MARCHF4: variants seen among roughly 807,000 people sequenced by gnomAD.
The protein encoded by MARCHF4 is membrane associated ring-CH-type finger 4, also known as E3 ubiquitin-protein ligase MARCHF4.
A neutral mutation model predicts 43.9 loss-of-function variants in MARCHF4; 14 were observed. The observed-to-expected ratio is 0.32, with a 90% CI of 0.21 to 0.50. The LOEUF is 0.50. Among genes scored for constraint, MARCHF4 ranks in the 20% least tolerant of loss-of-function variants. MARCHF4 has a pLI of 0.98. For missense variants in MARCHF4, 468 were observed against 536.7 expected, an observed-to-expected ratio of 0.87 and a Z score of 1.27; for synonymous variants, 226 against 213.3, an observed-to-expected ratio of 1.06 and a Z score of -0.52.
At chr2:216,295,096 A>T (rs1330927950) in intron 1 of MARCHF4, among the ~76,000 whole-genome samples, 1 of 145,730 alleles carries the variant, frequency 6.9e-6, no homozygotes, top group African/African-American at 2.8e-5. Context: ...GCATGGGGTG[A>T]TACAGCATGG....
At chr2:216,348,621 T>G (rs536464451) in intron 1 of MARCHF4, among the ~76,000 whole-genome samples, 3 of 152,140 alleles carry the variant, frequency 2.0e-5, no homozygotes, top group African/African-American at 7.2e-5. Context: ...GAAATAACCA[T>G]AAAAATGGGC....
chr2:216,359,201 G>C (rs1692542375), intron 1 of MARCHF4, among the ~76,000 whole-genome samples: 2 of 152,202 alleles, frequency 1.3e-5, no homozygotes, highest in South Asian at 4.1e-4. Context: ...GATCCCTGAG[G>C]CAGGGGAGAA....
At chr2:216,347,954 G>A (rs112201658) in intron 1 of MARCHF4, among the ~76,000 whole-genome samples, 154 of 150,344 alleles carry the variant, frequency 1.0e-3, no homozygotes, top group Non-Finnish European at 1.8e-3. Flanking sequence ...TTTAACCAGA[G>A]CAACTCCATC....
intron 3 of MARCHF4, among the ~76,000 whole-genome samples, chr2:216,266,494 T>C (rs1690847597): frequency 6.6e-6 from 1 of 152,128 alleles, no homozygotes; most frequent in Non-Finnish European, 1.5e-5. Context: ...CAGCCCTCAG[T>C]CAAGTCATTG....
intron 1 of MARCHF4, among the ~76,000 whole-genome samples, chr2:216,285,769 G>A (rs1691209215): frequency 6.6e-6 from 1 of 152,190 alleles, no homozygotes; most frequent in African/African-American, 2.4e-5. Flanking sequence ...TGCTGGGGGA[G>A]GGGTGGAATT....
chr2:216,355,501 A>C (rs1692488613), intron 1 of MARCHF4, among the ~76,000 whole-genome samples: 1 of 152,198 alleles, frequency 6.6e-6, no homozygotes, highest in Non-Finnish European at 1.5e-5. Flanking sequence ...CATTTGTAGA[A>C]AGAATAAAAA....
chr2:216,277,718 G>A lies in MARCHF4; in HGVS notation c.819C>T (p.Phe273=). ...SARWQRQDLL[F]QICYGMYGFM... is the part of the protein sequence containing the mutation. ...AGCCATACATCCCGTAGCAGATCTG[G>A]AAGAGAAGGTCTTGGCGCTGCCATC... The change falls in exon 3 of 4, where the codon TTC becomes TTT. Residue 273 remains phenylalanine, a synonymous_variant. Coordinates refer to ENST00000273067, the MANE Select transcript of MARCHF4 (RefSeq NM_020814.3). 1 of 1,614,060 alleles carries A rather than the reference G, an allele frequency of 6.2e-7. No individual in the cohort carries two copies. Among genetic ancestry groups the A allele is most frequent in the Non-Finnish European group, 8.5e-7 (1 of 1,179,922 alleles).
At chr2:216,362,495 A>C (rs921614872) in intron 1 of MARCHF4, among the ~76,000 whole-genome samples, 4 of 152,198 alleles carry the variant, frequency 2.6e-5, no homozygotes, top group African/African-American at 9.7e-5. Context: ...CATCCAAAAC[A>C]ATCTTTCCAT....
At chr2:216,314,249 A>G (rs1404669191) in intron 1 of MARCHF4, among the ~76,000 whole-genome samples, 1 of 151,996 alleles carries the variant, frequency 6.6e-6, no homozygotes, top group Non-Finnish European at 1.5e-5. Flanking sequence ...AAAAACAGAT[A>G]TGGTTTCTGC....
At chr2:216,351,965 T>C (rs1180496277) in intron 1 of MARCHF4, among the ~76,000 whole-genome samples, 1 of 152,188 alleles carries the variant, frequency 6.6e-6, no homozygotes. Flanking sequence ...AAATGCAGAA[T>C]AATGGGAAGG....
At chr2:216,279,978 C>T (rs566989775) in intron 2 of MARCHF4, among the ~76,000 whole-genome samples, 1 of 152,248 alleles carries the variant, frequency 6.6e-6, no homozygotes, top group South Asian at 2.1e-4. Flanking sequence ...TTCAAAAATG[C>T]CAAATATAGA....
At chr2:216,264,864 A>G (rs1194381349) in intron 3 of MARCHF4, among the ~76,000 whole-genome samples, 1 of 152,190 alleles carries the variant, frequency 6.6e-6, no homozygotes, top group Non-Finnish European at 1.5e-5. Flanking sequence ...AAGAAGGTGG[A>G]CCTGTTTTTC....
intron 3 of MARCHF4, among the ~76,000 whole-genome samples, chr2:216,275,366 G>A (rs1434012103): frequency 6.6e-6 from 1 of 152,204 alleles, no homozygotes; most frequent in Non-Finnish European, 1.5e-5. Context: ...GAGCCATGGG[G>A]AACAGACCTA....
At chr2:216,368,416 G>C (rs1252970387) in intron 1 of MARCHF4, among the ~76,000 whole-genome samples, 2 of 152,190 alleles carry the variant, frequency 1.3e-5, no homozygotes, top group African/African-American at 4.8e-5. Context: ...TCTTAAGATG[G>C]AAGAACCCAG....
Position 216,258,925 on chromosome 2 carries a change from T to C in MARCHF4, c.*387A>G, listed in dbSNP as rs1255233653. 5.8e-6 allele frequency: 1 copy of C among 171,000 alleles called. No individual in the cohort carries two copies. The highest frequency in any genetic ancestry group is 1.3e-5 in the Non-Finnish European group (1 of 78,784). 10.6% of individuals were successfully genotyped at this position (171,000 alleles called of 1,614,324 possible). On this transcript the variant is annotated 3_prime_UTR_variant, in exon 4 of 4. Coordinates refer to ENST00000273067, the MANE Select transcript of MARCHF4 (RefSeq NM_020814.3). ...GGGTGAGAGCAGAGCAGACCACAGA[T>C]GCTTTTCCTCTTGGCCCCCTTGGCC...
At chr2:216,353,057 C>T (rs994263134) in intron 1 of MARCHF4, among the ~76,000 whole-genome samples, 4 of 152,184 alleles carry the variant, frequency 2.6e-5, no homozygotes, top group African/African-American at 9.7e-5. Context: ...CCAGCTTCTA[C>T]AAGATATCCT....
intron 1 of MARCHF4, among the ~76,000 whole-genome samples, chr2:216,343,061 T>A (rs974109175): frequency 6.6e-6 from 1 of 151,964 alleles, no homozygotes; most frequent in Admixed American, 6.6e-5. Context: ...CTGGGACTGG[T>A]GGAAAGTGAA....
intron 1 of MARCHF4, among the ~76,000 whole-genome samples, chr2:216,300,342 A>G (rs898987005): frequency 7.3e-6 from 1 of 136,792 alleles, no homozygotes; most frequent in African/African-American, 2.8e-5. Flanking sequence ...ATCTCGATAT[A>G]TATATATGTA....
chr2:216,286,508 T>A (rs1025012556), intron 1 of MARCHF4, among the ~76,000 whole-genome samples: 1 of 134,154 alleles, frequency 7.5e-6, no homozygotes, highest in Non-Finnish European at 1.6e-5. Flanking sequence ...GGCGACAGAG[T>A]GCAACTCCAT....
Sources: allele counts gnomAD v4.1 joint callset (sites outside exome capture counted in the v4.1 genomes callset), GRCh38; gene constraint gnomAD v4.1.1; transcripts MANE v1.5; gene names NCBI Gene and HGNC (gene_info 2026-07-23, HGNC 2026-07-21).